The following VPS13B variants were observed in gnomAD, a reference collection of about 807,000 sequenced individuals.
The protein encoded by VPS13B is intermembrane lipid transfer protein VPS13B.
VPS13B carries 285 observed loss-of-function variants against 426.4 expected under a neutral mutation model. The ratio of observed to expected loss-of-function variants is 0.67; its 90% confidence interval spans 0.61 to 0.74. The LOEUF (loss-of-function observed/expected upper bound fraction) is 0.74. Ranked by LOEUF, VPS13B falls within the 30% of genes least tolerant of loss-of-function variation. The pLI, the probability that VPS13B is intolerant of heterozygous loss-of-function variation, is 0.00. For synonymous variants in VPS13B, 1,676 were observed against 1,676.4 expected, an observed-to-expected ratio of 1.00 and a Z score of 0.01; for missense variants, 4,537 against 4,782.6, an observed-to-expected ratio of 0.95 and a Z score of 1.51.
intron 17 of VPS13B, among the ~76,000 whole-genome samples, chr8:99,201,801 C>T (rs139942025): frequency 2.5e-4 from 38 of 152,160 alleles, no homozygotes; most frequent in South Asian, 1.7e-3. Context: ...ATTTCTGTTG[C>T]GCATTATTTT....
At chr8:99,654,704 TAAC>T (rs1276742065) in intron 34 of VPS13B, among the ~76,000 whole-genome samples, 1 of 152,126 alleles carries the variant, frequency 6.6e-6, no homozygotes, top group Non-Finnish European at 1.5e-5. Flanking sequence ...GGAGCTTTAA[TAAC>T]ATCAATTTCA....
At chr8:99,079,200 G>A (rs1845304593) in intron 3 of VPS13B, among the ~76,000 whole-genome samples, 1 of 152,010 alleles carries the variant, frequency 6.6e-6, no homozygotes, top group Non-Finnish European at 1.5e-5. Context: ...GGCAGTAGCG[G>A]TGGGTTGGGT....
In VPS13B at chr8:99,529,371, ATTTAGACTTGC is replaced by A. The variant is rs1418847346; in HGVS notation, c.4745+8362_4745+8372del. ...TGTGGTCATCTTTCAGTGTAATCAT[ATTTAGACTTGC>A]CATCATACTGACCTGTTTTTGAGCT... On this transcript the variant is annotated intron_variant, in intron 30 of 61. Coordinates refer to ENST00000357162, the MANE Select transcript of VPS13B (RefSeq NM_152564.5). 3.3e-5 allele frequency among the ~76,000 whole-genome samples: 5 copies of A among 152,306 alleles called. No individual in the cohort carries two copies. The East Asian group carries it at 9.6e-4, about 29-fold the overall frequency.
chr8:99,351,417 CAAG>C (rs1221632884), intron 19 of VPS13B, among the ~76,000 whole-genome samples: 1 of 143,592 alleles, frequency 7.0e-6, no homozygotes, highest in Non-Finnish European at 1.5e-5. Context: ...TCTCCTTCCT[CAAG>C]AGAGAGAGAG....
At chr8:99,168,875 TA>T (rs1257142841) in intron 15 of VPS13B, among the ~76,000 whole-genome samples, 3 of 152,138 alleles carry the variant, frequency 2.0e-5, no homozygotes, top group Non-Finnish European at 4.4e-5. Context: ...AATGTAATTT[TA>T]AAAAATGTTT....
intron 8 of VPS13B, among the ~76,000 whole-genome samples, chr8:99,127,502 C>T (rs1018010596): frequency 3.3e-5 from 5 of 152,174 alleles, no homozygotes; most frequent in East Asian, 3.8e-4. Context: ...TCAGGCTTAA[C>T]ATTTATCAGT....
intron 56 of VPS13B, among the ~76,000 whole-genome samples, chr8:99,855,244 T>G (rs1816488368): frequency 6.6e-6 from 1 of 152,016 alleles, no homozygotes; most frequent in Non-Finnish European, 1.5e-5. Flanking sequence ...TACCCAGGTG[T>G]GGTGTCGTGC....
chr8:99,041,341 T>C (rs1842952685), intron 3 of VPS13B, among the ~76,000 whole-genome samples: 1 of 152,224 alleles, frequency 6.6e-6, no homozygotes, highest in South Asian at 2.1e-4. Flanking sequence ...GATACACAGT[T>C]TTTGATTCAT....
chr8:99,818,269 C>A (rs1211240612), intron 45 of VPS13B, among the ~76,000 whole-genome samples, 182 bp from the exon 46 acceptor site: 1 of 152,190 alleles, frequency 6.6e-6, no homozygotes. Context: ...GCCCCGCTGA[C>A]TCACTGCACA....
At chr8:99,335,786 A>C (rs1810816982) in intron 19 of VPS13B, among the ~76,000 whole-genome samples, 1 of 152,182 alleles carries the variant, frequency 6.6e-6, no homozygotes, top group Non-Finnish European at 1.5e-5. Context: ...AGAATAAAAT[A>C]CCTAGGAATC....
chr8:99,778,726 C>A lies in VPS13B; in HGVS notation c.7474C>A (p.Pro2492Thr). The A allele has an allele frequency of 6.2e-7, 1 of 1,613,942 alleles. No individual in the cohort carries two copies. Among genetic ancestry groups the A allele is most frequent in the Non-Finnish European group, 8.5e-7 (1 of 1,179,876 alleles). The stretch of plus-strand genomic sequence containing the variant: ...GCCATTTGTTTCCGACAGAAATATG[C>A]CATCTGAACTAGAATACATGATTGT... ...LQPFVSDRNM[P>T]SELEYMIVSF... Residue 2492 changes from proline to threonine, a missense_variant, in exon 42 of 62, where the codon CCA (proline) becomes ACA (threonine). Physicochemically the swap from Pro to Thr is conservative, Grantham distance 38. This residue lies in a region of VPS13B where 4,311 missense variants were observed against 4,474.3 expected (regional missense o/e 0.96). Transcript: ENST00000357162.
At chr8:99,385,950 A>C (rs899549528) in intron 20 of VPS13B, among the ~76,000 whole-genome samples, 21 of 152,146 alleles carry the variant, frequency 1.4e-4, no homozygotes, top group Non-Finnish European at 2.4e-4. Context: ...CTGAAAAAAA[A>C]TTTTGAATTT....
intron 4 of VPS13B, among the ~76,000 whole-genome samples, chr8:99,100,871 T>A (rs1846695206): frequency 6.6e-6 from 1 of 151,672 alleles, no homozygotes; most frequent in South Asian, 2.1e-4. Flanking sequence ...TGAAACCCCA[T>A]CTCTACTAAA....
intron 3 of VPS13B, among the ~76,000 whole-genome samples, chr8:99,071,391 G>C (rs1475236877): frequency 6.6e-6 from 1 of 152,260 alleles, no homozygotes; most frequent in East Asian, 1.9e-4. Context: ...TAAGGTCCAA[G>C]AGAATTTCCT....
chr8:99,233,902 T>TG, intron 17 of VPS13B: 1 of 788,498 alleles, frequency 1.3e-6, no homozygotes, highest in South Asian at 1.3e-5. Flanking sequence ...AAGTCCCCTC[T>TG]GGGGTGGCAT....
chr8:99,240,694 A>G lies in VPS13B; in HGVS notation c.2516-33504A>G, dbSNP rs180760630. Among the ~76,000 whole-genome samples the G allele has an allele frequency of 1.1e-4, 17 of 152,354 alleles. No individual in the cohort carries two copies. The East Asian group carries it at 3.1e-3, about 28-fold the overall frequency. ...ATAAGCCACATTATTATTTATATTT[A>G]AAACTAAAAAAAATCACTTTCTCCA... is the stretch of plus-strand genomic sequence containing the variant. On this transcript the variant is annotated intron_variant, in intron 17 of 61. Transcript: ENST00000357162.
chr8:99,066,573 A>G (rs1440523496), intron 3 of VPS13B, among the ~76,000 whole-genome samples: 1 of 152,254 alleles, frequency 6.6e-6, no homozygotes, highest in African/African-American at 2.4e-5. Context: ...AGGCAATACC[A>G]TTCAGGACAT....
chr8:99,591,283 G>A (rs539609403), intron 33 of VPS13B, among the ~76,000 whole-genome samples: 14 of 147,286 alleles, frequency 9.5e-5, no homozygotes, highest in African/African-American at 3.2e-4. Flanking sequence ...CCAGCACATT[G>A]ACGGGTCTTG....
intron 3 of VPS13B, among the ~76,000 whole-genome samples, chr8:99,073,822 G>C (rs1424774175): frequency 6.7e-6 from 1 of 150,206 alleles, no homozygotes; most frequent in Non-Finnish European, 1.5e-5. Context: ...CCATGCTGGA[G>C]TGCAGTGGTG....
Sources: allele counts gnomAD v4.1 joint callset (sites outside exome capture counted in the v4.1 genomes callset), GRCh38; gene constraint gnomAD v4.1.1; regional missense constraint gnomAD v4.1.1; transcripts MANE v1.5; gene names NCBI Gene and HGNC (gene_info 2026-07-23, HGNC 2026-07-21).